TACR1: variants seen among roughly 807,000 people sequenced by gnomAD.
The protein encoded by TACR1 is substance-P receptor.
Under a neutral mutation model 35.8 loss-of-function variants are expected in TACR1, and 25 were observed. The observed-to-expected ratio is 0.70, with a 90% CI of 0.51 to 0.98. TACR1 has a LOEUF of 0.98. TACR1 is among the 50% of genes least tolerant of loss of function. TACR1 has a pLI of 0.00. For missense variants in TACR1, 478 were observed against 522.9 expected (o/e 0.91, Z 0.84); for synonymous variants, 195 against 206.7 (o/e 0.94, Z 0.48).
chr2:75,167,628 A>G (rs1032165017), intron 1 of TACR1, among the ~76,000 whole-genome samples: 1 of 152,204 alleles, frequency 6.6e-6, no homozygotes, highest in African/African-American at 2.4e-5. Flanking sequence ...TCACTCATAC[A>G]AAAACTACAA....
intron 1 of TACR1, among the ~76,000 whole-genome samples, chr2:75,125,112 A>G (rs1674047822): frequency 6.6e-6 from 1 of 152,170 alleles, no homozygotes; most frequent in South Asian, 2.1e-4. Flanking sequence ...ACTGCTGTGA[A>G]GATCTCTAAA....
chr2:75,195,895 A>G (rs1020020518), intron 1 of TACR1, among the ~76,000 whole-genome samples: 1 of 152,200 alleles, frequency 6.6e-6, no homozygotes, highest in African/African-American at 2.4e-5. Flanking sequence ...ATTAATACCA[A>G]TGGAAAAATA....
Position 75,049,441 on chromosome 2 carries a change from C to T in TACR1, c.1215G>A (p.Val405=), listed in dbSNP as rs201585875. Residue 405 remains valine, a synonymous_variant, in exon 5 of 5, where the codon GTG becomes GTA. Transcript: ENST00000305249. ...CCAAAGGCCCTGTGGCCTAGGAGAG[C>T]ACATTGGAGGAGAAGCTGAAGCTCT... ...MTESFSFSSN[V]LS 1 of 1,613,008 alleles carries T rather than the reference C, an allele frequency of 6.2e-7. No homozygotes were observed. Among genetic ancestry groups the T allele is most frequent in the Non-Finnish European group, 8.5e-7 (1 of 1,179,118 alleles).
intron 2 of TACR1, among the ~76,000 whole-genome samples, chr2:75,109,899 T>C (rs918169890): frequency 6.6e-6 from 1 of 152,124 alleles, no homozygotes; most frequent in Non-Finnish European, 1.5e-5. Context: ...TGTGTAGCAG[T>C]AACTCTGAAA....
intron 1 of TACR1, among the ~76,000 whole-genome samples, chr2:75,133,622 G>A (rs1024476144): frequency 2.0e-5 from 3 of 152,100 alleles, no homozygotes; most frequent in South Asian, 2.1e-4. Flanking sequence ...GTCTGGCTTC[G>A]GCACCTTTGG....
intron 2 of TACR1, among the ~76,000 whole-genome samples, chr2:75,103,756 A>G (rs1299361185): frequency 6.6e-6 from 1 of 152,122 alleles, no homozygotes; most frequent in Non-Finnish European, 1.5e-5. Flanking sequence ...GGGGAAAAAT[A>G]ATAATTTTAG....
At chr2:75,083,260 G>T (rs1270871323) in intron 2 of TACR1, among the ~76,000 whole-genome samples, 1 of 152,076 alleles carries the variant, frequency 6.6e-6, no homozygotes. Context: ...ATTTCTGAGG[G>T]CTGTGTTCTG....
intron 2 of TACR1, among the ~76,000 whole-genome samples, chr2:75,111,117 T>C (rs1206679663): frequency 6.6e-6 from 1 of 152,034 alleles, no homozygotes; most frequent in African/African-American, 2.4e-5. Context: ...ATTATAATCT[T>C]TTTCTCAGTT....
chr2:75,180,301 C>T (rs928339373), intron 1 of TACR1, among the ~76,000 whole-genome samples: 4 of 152,062 alleles, frequency 2.6e-5, no homozygotes, highest in Non-Finnish European at 4.4e-5. Context: ...TTTGTTGTAT[C>T]CTTAGAATCT....
chr2:75,115,628 C>T (rs1051357179), intron 2 of TACR1, among the ~76,000 whole-genome samples: 2 of 151,942 alleles, frequency 1.3e-5, no homozygotes, highest in Admixed American at 6.6e-5. Flanking sequence ...GAGAAGAGGC[C>T]GGGCACGGTG....
chr2:75,185,973 G>A (rs982487509), intron 1 of TACR1, among the ~76,000 whole-genome samples: 1 of 152,132 alleles, frequency 6.6e-6, no homozygotes, highest in African/African-American at 2.4e-5. Context: ...CACTTGGCAT[G>A]ATCTTATAGA....
intron 1 of TACR1, among the ~76,000 whole-genome samples, chr2:75,135,202 C>G (rs1674254602): frequency 6.6e-6 from 1 of 152,166 alleles, no homozygotes. Flanking sequence ...CTTTCCCTCT[C>G]CCTATTGCTC....
chr2:75,154,361 T>G (rs950671258), intron 1 of TACR1: 1 of 149,306 alleles, frequency 6.7e-6, no homozygotes, highest in Non-Finnish European at 1.5e-5. Flanking sequence ...TCCGGGAGAT[T>G]TATAATTGGA....
At chr2:75,114,363 A>C (rs916093449) in intron 2 of TACR1, among the ~76,000 whole-genome samples, 1 of 152,104 alleles carries the variant, frequency 6.6e-6, no homozygotes, top group Non-Finnish European at 1.5e-5. Context: ...TCTAAATCTC[A>C]TTTTTTTGGA....
intron 1 of TACR1, among the ~76,000 whole-genome samples, chr2:75,144,139 TG>T (rs1674461371): frequency 6.6e-6 from 1 of 152,162 alleles, no homozygotes; most frequent in Non-Finnish European, 1.5e-5. Context: ...CCAGACTCCA[TG>T]GGGCCACTAC....
At position 75,197,863 on chromosome 2, in the gene TACR1, T is replaced by G. The variant is rs571838787; in HGVS notation, c.389+683A>C. The stretch of plus-strand genomic sequence containing the variant: ...CCCTATCCGTGGAGTTTCTTAAGGA[T>G]AGCATAACTGTCTCTCATTCCTGAA... On this transcript the variant is annotated intron_variant, in intron 1 of 4. Coordinates refer to ENST00000305249, the MANE Select transcript of TACR1 (RefSeq NM_001058.4). Among the ~76,000 whole-genome samples the G allele has an allele frequency of 1.1e-4, 17 of 152,334 alleles. No individual in the cohort carries two copies. In the South Asian group the frequency reaches 3.3e-3, roughly 30 times the overall value.
chr2:75,151,828 G>A (rs964526905), intron 1 of TACR1, among the ~76,000 whole-genome samples: 2 of 152,084 alleles, frequency 1.3e-5, no homozygotes, highest in African/African-American at 4.8e-5. Flanking sequence ...GAGGGAGGCT[G>A]TACCCTGCAA....
Position 75,146,159 on chromosome 2 carries a change from G to C in TACR1, c.390-25391C>G, listed in dbSNP as rs180929956. ...ATTTTTTCAGATGGTGTCTCTCTCT[G>C]TCGCCCAGTCTGGAGTGCAGTGGCG... is the stretch of plus-strand genomic sequence containing the variant. On this transcript the variant is annotated intron_variant, in intron 1 of 4. Coordinates refer to ENST00000305249, the MANE Select transcript of TACR1 (RefSeq NM_001058.4). Among the ~76,000 whole-genome samples the C allele has an allele frequency of 5.9e-5, 9 of 152,234 alleles. No homozygotes were observed. In the East Asian group the frequency reaches 1.5e-3, roughly 26 times the overall value.
chr2:75,199,198 G>T lies in TACR1; in HGVS notation c.-264C>A, dbSNP rs6748021. ...GTTTGAGTTCAGAAGTCTGGAGACA[G>T]CATCTCTCTTGCGGTAAACTGAAAA... On this transcript the variant is annotated 5_prime_UTR_variant, in exon 1 of 5. The change creates a new upstream start codon in the 5' untranslated region. Coordinates refer to ENST00000305249, the MANE Select transcript of TACR1 (RefSeq NM_001058.4). 1.9e-3 allele frequency: 849 copies of T among 457,916 alleles called. 4 individuals are homozygous for T. The highest frequency in any genetic ancestry group is 0.015 in the African/African-American group (790 of 51,914). The allele number at this position is 457,916 out of a possible 1,614,324, so 28.4% of individuals were successfully genotyped here. A position where few individuals can be genotyped will look rare whatever the true frequency, so the allele number is the denominator to read the frequency against.
Sources: gnomAD v4.1 joint callset for allele counts (sites outside exome capture counted in the v4.1 genomes callset) on GRCh38, gnomAD v4.1.1 for gene constraint, MANE v1.5 for transcripts, NCBI Gene and HGNC (gene_info 2026-07-23, HGNC 2026-07-21) for gene names.